Variants in NEURL1 observed in about 807,000 individuals in gnomAD.
The protein encoded by NEURL1 is neuralized E3 ubiquitin protein ligase 1.
In NEURL1, 26 loss-of-function variants were observed where a neutral mutation model predicts 41.2. The observed-to-expected ratio is 0.63, with a 90% CI of 0.46 to 0.87. The LOEUF (loss-of-function observed/expected upper bound fraction) is 0.87, where lower values mean the gene tolerates loss of function less well. Among genes scored for constraint, NEURL1 ranks in the 40% least tolerant of loss-of-function variants. The pLI, the probability that NEURL1 is intolerant of heterozygous loss-of-function variation, is 0.00. For synonymous variants in NEURL1, 400 were observed against 402.3 expected (o/e 0.99, Z 0.07); for missense variants, 761 against 871.1 (o/e 0.87, Z 1.59).
In NEURL1 at chr10:103,545,104, T is replaced by C. The variant is rs933571874; in HGVS notation, c.86-25768T>C. Reference sequence around the variant, plus strand: ...AGGGAAGAAAGGAAGGCGGCGGCAATGAGCCACGGATGAATGTGCAAATTG... The same window carrying C: ...AGGGAAGAAAGGAAGGCGGCGGCAACGAGCCACGGATGAATGTGCAAATTG... On this transcript the variant is annotated intron_variant, in intron 1 of 5. Transcript: ENST00000369780. This position sits in a 1 kb window ranked among gnomAD's most constrained non-coding sequence, Gnocchi z 4.5. 8.5e-5 allele frequency among the ~76,000 whole-genome samples: 13 copies of C among 152,194 alleles called. No homozygotes were observed. The highest frequency in any genetic ancestry group is 2.9e-4 in the African/African-American group (12 of 41,440).
intron 1 of NEURL1, among the ~76,000 whole-genome samples, chr10:103,520,780 G>A (rs190965508): frequency 1.1e-4 from 16 of 152,296 alleles, no homozygotes; most frequent in East Asian, 3.9e-4. Context: ...TAGGGTTGGC[G>A]TGGGAACCTA....
intron 5 of NEURL1, 94 bp from the exon 6 acceptor site, chr10:103,590,040 G>A: frequency 8.2e-7 from 1 of 1,217,626 alleles, no homozygotes; most frequent in Non-Finnish European, 1.2e-6. Flanking sequence ...CTGATAAATG[G>A]AGGGGGACAC....
chr10:103,567,684 C>T (rs2035454974), intron 1 of NEURL1, among the ~76,000 whole-genome samples: 1 of 152,224 alleles, frequency 6.6e-6, no homozygotes, highest in African/African-American at 2.4e-5. Flanking sequence ...CAGGTGTGAG[C>T]CACTGCACCT....
At chr10:103,548,694 T>A (rs762631960) in intron 1 of NEURL1, among the ~76,000 whole-genome samples, 1 of 152,226 alleles carries the variant, frequency 6.6e-6, no homozygotes, top group Non-Finnish European at 1.5e-5. Context: ...GAGACTTTAG[T>A]CCTTCCAGTT....
At chr10:103,526,149 G>A (rs1271012296) in intron 1 of NEURL1, among the ~76,000 whole-genome samples, 1 of 152,122 alleles carries the variant, frequency 6.6e-6, no homozygotes, top group East Asian at 1.9e-4. Context: ...GTATTTTGTT[G>A]AGGATTTTTT....
intron 3 of NEURL1, among the ~76,000 whole-genome samples, chr10:103,584,136 G>C (rs1267189104): frequency 6.6e-6 from 1 of 152,184 alleles, no homozygotes; most frequent in African/African-American, 2.4e-5. Flanking sequence ...TCGACAGACG[G>C]TTACTGTTTG....
At chr10:103,538,240 G>A (rs993946218) in intron 1 of NEURL1, among the ~76,000 whole-genome samples, 1 of 152,024 alleles carries the variant, frequency 6.6e-6, no homozygotes, top group Admixed American at 6.6e-5. Flanking sequence ...GACTACAGGT[G>A]TGAGCTACCA....
chr10:103,519,665 C>A (rs1448718023), intron 1 of NEURL1, among the ~76,000 whole-genome samples: 1 of 152,152 alleles, frequency 6.6e-6, no homozygotes, highest in East Asian at 1.9e-4. Flanking sequence ...GCCAAATCTC[C>A]CTTGAGCCTG....
chr10:103,499,718 C>T (rs1366289111), intron 1 of NEURL1, among the ~76,000 whole-genome samples: 1 of 152,102 alleles, frequency 6.6e-6, no homozygotes, highest in Non-Finnish European at 1.5e-5. Flanking sequence ...GACCTCCTGC[C>T]TTGGCCTCCC....
rs558189196 is a variant in NEURL1 at position 103,583,357 on chromosome 10, A to G, written c.650-1179A>G. On this transcript the variant is annotated intron_variant, in intron 3 of 5. Transcript: ENST00000369780. ...TCAATGTCATCACATTTTCAAAGTG[A>G]TGTAGTACATATAAAAGGTAAAAAA... Among the ~76,000 whole-genome samples, 3 of 152,242 alleles carry G rather than the reference A, an allele frequency of 2.0e-5. No individual in the cohort carries two copies. The East Asian group carries it at 5.8e-4, about 29-fold the overall frequency.
At chr10:103,555,681 A>G (rs906913286) in intron 1 of NEURL1, among the ~76,000 whole-genome samples, 1 of 151,174 alleles carries the variant, frequency 6.6e-6, no homozygotes, top group African/African-American at 2.4e-5. Flanking sequence ...GAGGCTCCCC[A>G]CAAAGTCTCC....
intron 1 of NEURL1, among the ~76,000 whole-genome samples, chr10:103,548,189 A>G (rs532410144): frequency 6.6e-6 from 1 of 152,364 alleles, no homozygotes; most frequent in African/African-American, 2.4e-5. Context: ...GTGCTCTGAA[A>G]TGGCATTTGC....
intron 1 of NEURL1, 120 bp from the exon 2 acceptor site, chr10:103,570,752 T>C: frequency 6.7e-7 from 1 of 1,496,602 alleles, no homozygotes; most frequent in Non-Finnish European, 9.0e-7. Context: ...GCGGCAGTGG[T>C]GAAAGAACTG....
intron 1 of NEURL1, among the ~76,000 whole-genome samples, chr10:103,509,027 G>A (rs1009682536): frequency 4.6e-5 from 7 of 152,224 alleles, no homozygotes; most frequent in Admixed American, 2.0e-4. Flanking sequence ...TCAGGAGTTC[G>A]AGACCAGCCC....
At chr10:103,505,247 G>A (rs182048005) in intron 1 of NEURL1, among the ~76,000 whole-genome samples, 4 of 141,920 alleles carry the variant, frequency 2.8e-5, no homozygotes, top group Admixed American at 1.4e-4. Context: ...TTTGGTAGAC[G>A]GAGTCTTGCT....
chr10:103,494,429 A>T lies in NEURL1; in HGVS notation c.42A>T (p.Gly14=). 1.3e-6 allele frequency: 2 copies of T among 1,599,174 alleles called. No homozygotes were observed. The highest frequency in any genetic ancestry group is 1.7e-6 in the Non-Finnish European group (2 of 1,173,456). ...NFSSIPSLPR[G]NPSRAPRGHP... is the part of the protein sequence containing the mutation. ...CCAGTATCCCCTCGCTGCCCCGAGG[A>T]AACCCGAGCCGCGCGCCGCGGGGCC... Residue 14 remains glycine (G), a synonymous_variant, in exon 1 of 6, where the codon GGA becomes GGT. Transcript: ENST00000369780.
At chr10:103,588,671 G>T in intron 4 of NEURL1, 1 of 415,892 alleles carries the variant, frequency 2.4e-6, no homozygotes, top group Non-Finnish European at 4.8e-6. Context: ...GGAAGGCCGG[G>T]CGCAGCGGCT....
intron 1 of NEURL1, among the ~76,000 whole-genome samples, chr10:103,555,065 A>G (rs1489111098): frequency 6.6e-6 from 1 of 152,118 alleles, no homozygotes; most frequent in Non-Finnish European, 1.5e-5. Flanking sequence ...ATGTAAATAA[A>G]CATGACAGAT....
At chr10:103,557,173 A>G (rs968764394) in intron 1 of NEURL1, among the ~76,000 whole-genome samples, 2 of 152,136 alleles carry the variant, frequency 1.3e-5, no homozygotes, top group Admixed American at 1.3e-4. Context: ...CACGCCTGCA[A>G]TCCCAGACAC....
Sources: allele counts gnomAD v4.1 joint callset (sites outside exome capture counted in the v4.1 genomes callset), GRCh38; gene constraint gnomAD v4.1.1; non-coding constraint Gnocchi (gnomAD v3.1); transcripts MANE v1.5; gene names NCBI Gene and HGNC (gene_info 2026-07-23, HGNC 2026-07-21).